Variants in AFG1L observed in about 807,000 individuals in gnomAD.
AFG1L encodes AFG1-like ATPase.
AFG1L carries 53 observed loss-of-function variants against 62.2 expected under a neutral mutation model. The observed-to-expected ratio is 0.85, with a 90% CI of 0.68 to 1.07. The LOEUF is 1.07. Ranked by LOEUF, AFG1L falls within the 50% of genes least tolerant of loss-of-function variation. The probability of loss-of-function intolerance (pLI) is 0.00; values close to 1 mark genes in which losing one functional copy is unlikely to be tolerated. For synonymous variants in AFG1L, 228 were observed against 210.3 expected, an observed-to-expected ratio of 1.08 and a Z score of -0.73; for missense variants, 555 against 590.5, an observed-to-expected ratio of 0.94 and a Z score of 0.62.
At chr6:108,362,638 T>C (rs919858743) in intron 5 of AFG1L, among the ~76,000 whole-genome samples, 2 of 152,218 alleles carry the variant, frequency 1.3e-5, no homozygotes, top group Admixed American at 1.3e-4. Context: ...ACTGCTTTCG[T>C]TGCATTGATG....
chr6:108,463,776 C>G (rs1357403925), intron 8 of AFG1L, among the ~76,000 whole-genome samples: 1 of 152,158 alleles, frequency 6.6e-6, no homozygotes, highest in Admixed American at 6.5e-5. Context: ...GATAAATACT[C>G]AGACAAAATC....
At chr6:108,398,921 G>C (rs974609805) in intron 6 of AFG1L, among the ~76,000 whole-genome samples, 1 of 152,088 alleles carries the variant, frequency 6.6e-6, no homozygotes, top group African/African-American at 2.4e-5. Context: ...GAGAGCTTTG[G>C]CTATTTTGGA....
intron 8 of AFG1L, among the ~76,000 whole-genome samples, chr6:108,449,822 A>G (rs1049450792): frequency 2.0e-5 from 3 of 152,010 alleles, no homozygotes; most frequent in Non-Finnish European, 4.4e-5. Flanking sequence ...TCATTGTTCA[A>G]TTCCCACCTA....
chr6:108,355,149 C>T (rs986135179), intron 3 of AFG1L, among the ~76,000 whole-genome samples: 2 of 150,736 alleles, frequency 1.3e-5, no homozygotes, highest in Admixed American at 6.6e-5. Context: ...CTATGTTTCC[C>T]AGGCTGGTCT....
intron 2 of AFG1L, among the ~76,000 whole-genome samples, chr6:108,328,041 T>C (rs1778122919): frequency 6.6e-6 from 1 of 152,226 alleles, no homozygotes; most frequent in Non-Finnish European, 1.5e-5. Flanking sequence ...TGATGAATTA[T>C]TTCTTTTGAT....
At chr6:108,375,843 A>AG (rs1339236176) in intron 6 of AFG1L, among the ~76,000 whole-genome samples, 2 of 152,100 alleles carry the variant, frequency 1.3e-5, no homozygotes, top group Non-Finnish European at 2.9e-5. Flanking sequence ...TGAGTTAGGG[A>AG]GGAGTCTCTC....
chr6:108,388,273 CTTT>C (rs1780863294), intron 6 of AFG1L, among the ~76,000 whole-genome samples: 1 of 152,026 alleles, frequency 6.6e-6, no homozygotes, highest in Non-Finnish European at 1.5e-5. Context: ...CTCTTTTCTT[CTTT>C]ATTAGTCTTG....
At chr6:108,420,391 A>T (rs995366451) in intron 7 of AFG1L, among the ~76,000 whole-genome samples, 6 of 148,354 alleles carry the variant, frequency 4.0e-5, no homozygotes, top group Non-Finnish European at 8.9e-5. Context: ...TAAATTAAAT[A>T]AAAATATATT....
At chr6:108,320,894 G>T (rs761346822) in intron 1 of AFG1L, among the ~76,000 whole-genome samples, 1 of 152,148 alleles carries the variant, frequency 6.6e-6, no homozygotes, top group Non-Finnish European at 1.5e-5. Flanking sequence ...GAGGAGAACA[G>T]GATTGTGGGA....
chr6:108,489,443 GCAA>G (rs1773691712), intron 10 of AFG1L, among the ~76,000 whole-genome samples: 1 of 152,134 alleles, frequency 6.6e-6, no homozygotes, highest in Non-Finnish European at 1.5e-5. Context: ...TGCTAACATA[GCAA>G]CAACAACAAA....
At chr6:108,317,974 C>A (rs1777670905) in intron 1 of AFG1L, 1 of 152,792 alleles carries the variant, frequency 6.5e-6, no homozygotes, top group South Asian at 2.1e-4. Context: ...CTTGGGACTC[C>A]ACAGCTTCAG....
chr6:108,406,406 T>C (rs1241301771), intron 7 of AFG1L, among the ~76,000 whole-genome samples: 7 of 152,024 alleles, frequency 4.6e-5, no homozygotes, highest in Admixed American at 4.6e-4. Flanking sequence ...ATTAATGATA[T>C]TGAGTAACTT....
intron 3 of AFG1L, among the ~76,000 whole-genome samples, chr6:108,352,902 C>T (rs1298112949): frequency 6.6e-6 from 1 of 151,908 alleles, no homozygotes. Context: ...TATTTTTGAT[C>T]CACTGTTGGT....
At chr6:108,447,352 A>G (rs1231240203) in intron 8 of AFG1L, 56 bp downstream of exon 8, 4 of 1,070,836 alleles carry the variant, frequency 3.7e-6, no homozygotes, top group East Asian at 2.4e-5. Flanking sequence ...GAAAAAGAAC[A>G]TAAAAATAAG....
chr6:108,405,988 T>C (rs554675913), intron 7 of AFG1L, among the ~76,000 whole-genome samples: 1 of 152,378 alleles, frequency 6.6e-6, no homozygotes, highest in Non-Finnish European at 1.5e-5. Context: ...CATAATAATA[T>C]TCTATTGTAA....
chr6:108,310,578 T>C (rs920492376), intron 1 of AFG1L, among the ~76,000 whole-genome samples: 1 of 149,112 alleles, frequency 6.7e-6, no homozygotes, highest in African/African-American at 2.5e-5. Flanking sequence ...TCACCTTCTT[T>C]TTTTTTTTTT....
intron 1 of AFG1L, among the ~76,000 whole-genome samples, chr6:108,312,282 T>A (rs1777441409): frequency 6.6e-6 from 1 of 152,186 alleles, no homozygotes. Flanking sequence ...CTCATACCTG[T>A]GATCCCAGCA....
chr6:108,330,192 T>A (rs1778219123), intron 2 of AFG1L, among the ~76,000 whole-genome samples: 1 of 150,426 alleles, frequency 6.6e-6, no homozygotes, highest in South Asian at 2.1e-4. Flanking sequence ...ATTTTTTTTT[T>A]TTTTTTGCGA....
In AFG1L at chr6:108,441,710, A is replaced by AT. The variant is rs1554198366; in HGVS notation, c.808-5504_808-5503insT. Among the ~76,000 whole-genome samples, 467 of 117,508 alleles carry AT rather than the reference A, an allele frequency of 4.0e-3. 2 individuals are homozygous for AT. The highest frequency in any genetic ancestry group is 0.017 in the Middle Eastern group (4 of 230). 77.1% of individuals were successfully genotyped at this position (117,508 alleles called of 152,430 possible). A position where few individuals can be genotyped will look rare whatever the true frequency, so the allele number is the denominator to read the frequency against. ...AAATCTGAGGTTTATTTAAAAAAAA[A>AT]AAATATATATATATATATATAAACT... On this transcript the variant is annotated intron_variant, in intron 7 of 12. Transcript: ENST00000368977.
Sources: gnomAD v4.1 joint callset for allele counts (sites outside exome capture counted in the v4.1 genomes callset) on GRCh38, gnomAD v4.1.1 for gene constraint, MANE v1.5 for transcripts, NCBI Gene and HGNC (gene_info 2026-07-23, HGNC 2026-07-21) for gene names.